The following HTR1F variants were observed in gnomAD, a reference collection of about 807,000 sequenced individuals.
The protein encoded by HTR1F is 5-hydroxytryptamine receptor 1F, also known as 5-hydroxytryptamine (serotonin) receptor 1F, G protein-coupled.
HTR1F carries 17 observed loss-of-function variants against 24.0 expected under a neutral mutation model. The observed-to-expected ratio is 0.71, with a 90% CI of 0.48 to 1.06. The LOEUF (loss-of-function observed/expected upper bound fraction) is 1.06. Ranked by LOEUF, HTR1F falls within the 50% of genes least tolerant of loss-of-function variation. The probability of loss-of-function intolerance (pLI) is 0.00; values close to 1 mark genes in which losing one functional copy is unlikely to be tolerated. For synonymous variants in HTR1F, 186 were observed against 156.8 expected (o/e 1.19, Z -1.39); for missense variants, 391 against 427.8 (o/e 0.91, Z 0.76).
chr3:87,976,488 C>T (rs1358609719), intron 2 of HTR1F, among the ~76,000 whole-genome samples: 2 of 152,036 alleles, frequency 1.3e-5, no homozygotes, highest in African/African-American at 2.4e-5. Context: ...CATAGCAAGA[C>T]CCCCATCTCT....
Position 87,991,515 on chromosome 3 carries a change from A to T in HTR1F, c.766A>T (p.Thr256Ser). 6.2e-7 allele frequency: 1 copy of T among 1,614,118 alleles called. No individual in the cohort carries two copies. Among genetic ancestry groups the T allele is most frequent in the Non-Finnish European group, 8.5e-7 (1 of 1,179,992 alleles). Residue 256 changes from threonine (T) to serine (S), a missense_variant, in exon 3 of 3, where the codon ACA (threonine) becomes TCA (serine). Coordinates refer to ENST00000319595, the MANE Select transcript of HTR1F (RefSeq NM_001322209.2). Reference sequence around the variant, plus strand: ...AGAAAAGTCTTTATCTGACCCATCAACAGACTTTGATAAAATTCATAGCAC... The same window carrying T: ...AGAAAAGTCTTTATCTGACCCATCATCAGACTTTGATAAAATTCATAGCAC... ...VLEKSLSDPS[T>S]DFDKIHSTVR...
chr3:87,857,040 T>C (rs1167845563), intron 2 of HTR1F, among the ~76,000 whole-genome samples: 3 of 152,138 alleles, frequency 2.0e-5, no homozygotes, highest in Admixed American at 6.6e-5. Flanking sequence ...TTTCTTGTTG[T>C]ATTTCTTTAT....
At chr3:87,848,801 T>G (rs1705009413) in intron 2 of HTR1F, among the ~76,000 whole-genome samples, 1 of 151,596 alleles carries the variant, frequency 6.6e-6, no homozygotes, top group Non-Finnish European at 1.5e-5. Flanking sequence ...CAAGCATTCT[T>G]ATACACCAAT....
intron 2 of HTR1F, among the ~76,000 whole-genome samples, chr3:87,879,987 C>A (rs1705753295): frequency 6.6e-6 from 1 of 151,972 alleles, no homozygotes; most frequent in African/African-American, 2.4e-5. Flanking sequence ...AACATCTAAA[C>A]AGTATTTTTC....
intron 2 of HTR1F, among the ~76,000 whole-genome samples, chr3:87,849,587 C>G (rs1705032965): frequency 6.6e-6 from 1 of 152,002 alleles, no homozygotes; most frequent in South Asian, 2.1e-4. Context: ...GCAATGGCAA[C>G]AAAAGACAAA....
intron 2 of HTR1F, among the ~76,000 whole-genome samples, chr3:87,986,231 A>G (rs1299594457): frequency 6.6e-6 from 1 of 152,232 alleles, no homozygotes; most frequent in Admixed American, 6.5e-5. Flanking sequence ...CTAAATTAAT[A>G]AAGGTAGATG....
intron 2 of HTR1F, among the ~76,000 whole-genome samples, chr3:87,947,951 A>T (rs1192183371): frequency 6.6e-6 from 1 of 152,098 alleles, no homozygotes; most frequent in Non-Finnish European, 1.5e-5. Context: ...GTGAGGCTGA[A>T]ATTTTCTGCT....
chr3:87,805,405 A>G (rs1045179107), intron 1 of HTR1F, among the ~76,000 whole-genome samples: 3 of 152,080 alleles, frequency 2.0e-5, no homozygotes, highest in African/African-American at 7.2e-5. Flanking sequence ...TAGATATTTC[A>G]TGTTTGTCAA....
chr3:87,983,678 A>C (rs1705600569), intron 2 of HTR1F, among the ~76,000 whole-genome samples: 1 of 152,068 alleles, frequency 6.6e-6, no homozygotes, highest in Admixed American at 6.6e-5. Context: ...TTGGCCTCTG[A>C]CCCCAATCTG....
At position 87,980,154 on chromosome 3, in the gene HTR1F, G is replaced by A. The variant is rs562666006; in HGVS notation, c.-42-10554G>A. ...TTGTCCTGCTTCAAGGAAGAGTGAG[G>A]TACATGGACAACTGGAGAGTGAACA... On this transcript the variant is annotated intron_variant, in intron 2 of 2. Coordinates refer to ENST00000319595, the MANE Select transcript of HTR1F (RefSeq NM_001322209.2). Among the ~76,000 whole-genome samples the A allele has an allele frequency of 4.6e-5, 7 of 152,308 alleles. No homozygotes were observed. In the South Asian group the frequency reaches 1.2e-3, roughly 27 times the overall value.
chr3:87,973,120 G>A (rs1046900489), intron 2 of HTR1F, among the ~76,000 whole-genome samples: 3 of 152,032 alleles, frequency 2.0e-5, no homozygotes, highest in African/African-American at 4.8e-5. Context: ...GCAGTGAACC[G>A]AGATTGCACC....
chr3:87,854,303 G>C (rs180836747), intron 2 of HTR1F, among the ~76,000 whole-genome samples: 46 of 151,658 alleles, frequency 3.0e-4, no homozygotes, highest in African/African-American at 1.1e-3. Flanking sequence ...GTATTTATTT[G>C]TGTCTTATCT....
At chr3:87,896,977 G>A (rs898197788) in intron 2 of HTR1F, among the ~76,000 whole-genome samples, 3 of 152,006 alleles carry the variant, frequency 2.0e-5, no homozygotes, top group African/African-American at 4.8e-5. Context: ...GCTTATTGCA[G>A]CCCTTATGCA....
intron 2 of HTR1F, among the ~76,000 whole-genome samples, chr3:87,961,545 T>C (rs555761460): frequency 3.9e-5 from 6 of 152,020 alleles, no homozygotes; most frequent in Non-Finnish European, 8.8e-5. Flanking sequence ...GAGGATCACT[T>C]GAAGGCTGGA....
intron 2 of HTR1F, among the ~76,000 whole-genome samples, chr3:87,924,498 GTAGT>G (rs1276993323): frequency 6.6e-6 from 1 of 152,016 alleles, no homozygotes; most frequent in African/African-American, 2.4e-5. Flanking sequence ...TTTCATGATG[GTAGT>G]TATTGTCCTT....
chr3:87,930,993 T>C (rs1704250115), intron 2 of HTR1F, among the ~76,000 whole-genome samples: 1 of 151,836 alleles, frequency 6.6e-6, no homozygotes, highest in Non-Finnish European at 1.5e-5. Flanking sequence ...ATGTCATTCT[T>C]TTCAACAACA....
intron 1 of HTR1F, among the ~76,000 whole-genome samples, chr3:87,821,419 C>A (rs933256443): frequency 1.3e-5 from 2 of 152,122 alleles, no homozygotes; most frequent in African/African-American, 4.8e-5. Context: ...CCAGTCTTCA[C>A]CTTATGATAC....
intron 2 of HTR1F, among the ~76,000 whole-genome samples, chr3:87,969,681 C>A (rs1485272957): frequency 6.6e-6 from 1 of 152,120 alleles, no homozygotes; most frequent in Non-Finnish European, 1.5e-5. Flanking sequence ...TGAGTTAATG[C>A]TGAAATGAGT....
At chr3:87,961,453 T>G (rs1198641091) in intron 2 of HTR1F, among the ~76,000 whole-genome samples, 1 of 151,996 alleles carries the variant, frequency 6.6e-6, no homozygotes, top group African/African-American at 2.4e-5. Flanking sequence ...CCTGGCTACT[T>G]GTGCTGTTAA....
Sources: gnomAD v4.1 joint callset for allele counts (sites outside exome capture counted in the v4.1 genomes callset) on GRCh38, gnomAD v4.1.1 for gene constraint, MANE v1.5 for transcripts, NCBI Gene and HGNC (gene_info 2026-07-23, HGNC 2026-07-21) for gene names.